KCNIP1: variants seen among roughly 807,000 people sequenced by gnomAD.
KCNIP1 encodes potassium voltage-gated channel interacting protein 1, also known as A-type potassium channel modulatory protein KCNIP1.
A neutral mutation model predicts 33.0 loss-of-function variants in KCNIP1; 18 were observed. The ratio of observed to expected loss-of-function variants is 0.55; its 90% CI spans 0.38 to 0.81. KCNIP1 has a LOEUF of 0.81. KCNIP1 is among the 30% of genes least tolerant of loss of function. The pLI, the probability that KCNIP1 is intolerant of heterozygous loss-of-function variation, is 0.00. For synonymous variants in KCNIP1, 93 were observed against 98.3 expected, an observed-to-expected ratio of 0.95 and a Z score of 0.32; for missense variants, 238 against 271.6, an observed-to-expected ratio of 0.88 and a Z score of 0.87.
chr5:170,416,937 T>C (rs1395810134), intron 1 of KCNIP1, among the ~76,000 whole-genome samples: 1 of 152,236 alleles, frequency 6.6e-6, no homozygotes, highest in African/African-American at 2.4e-5. Flanking sequence ...ATCCTCTTTT[T>C]AAAATTAATG....
At chr5:170,661,555 G>C (rs997820060) in intron 1 of KCNIP1, among the ~76,000 whole-genome samples, 2 of 152,020 alleles carry the variant, frequency 1.3e-5, no homozygotes, top group Non-Finnish European at 2.9e-5. Context: ...GGTTAGATGC[G>C]AGTTCTGCAC....
At chr5:170,389,160 C>T (rs1389375816) in intron 1 of KCNIP1, 1 of 152,298 alleles carries the variant, frequency 6.6e-6, no homozygotes, top group Non-Finnish European at 1.5e-5. Context: ...CTCCTGCCTG[C>T]CTCCCTCCCT....
chr5:170,547,476 C>T (rs905017126), intron 1 of KCNIP1, among the ~76,000 whole-genome samples: 1 of 152,138 alleles, frequency 6.6e-6, no homozygotes, highest in African/African-American at 2.4e-5. Context: ...ATTTCATCAT[C>T]CACATATTAA....
At chr5:170,378,363 A>C (rs1005759817) in intron 1 of KCNIP1, 1 of 224,528 alleles carries the variant, frequency 4.5e-6, no homozygotes, top group Non-Finnish European at 8.7e-6. Context: ...CAACAGGGAG[A>C]ACTCAGGCAC....
intron 1 of KCNIP1, among the ~76,000 whole-genome samples, chr5:170,548,994 G>A (rs1756510300): frequency 6.6e-6 from 1 of 152,188 alleles, no homozygotes; most frequent in South Asian, 2.1e-4. Context: ...GAGAAGCCAA[G>A]TAGTACACTA....
intron 5 of KCNIP1, among the ~76,000 whole-genome samples, chr5:170,731,469 G>A (rs1325000078): frequency 5.3e-5 from 8 of 152,166 alleles, no homozygotes; most frequent in Non-Finnish European, 1.2e-4. Context: ...TTGGGAGGCA[G>A]AGGCAGGAAG....
chr5:170,733,913 C>A lies in KCNIP1; in HGVS notation c.603+15C>A. Reference sequence around the variant, plus strand: ...CATGTCAGGAGGTAAGGAGAGATCTCAGGGCACAATAACTCTACATCTGGG... The same window carrying A: ...CATGTCAGGAGGTAAGGAGAGATCTAAGGGCACAATAACTCTACATCTGGG... On this transcript the variant is annotated intron_variant, in intron 7 of 7. Transcript: ENST00000328939. 1 of 1,608,150 alleles carries A rather than the reference C, an allele frequency of 6.2e-7. No homozygotes were observed. Among genetic ancestry groups the A allele is most frequent in the South Asian group, 1.1e-5 (1 of 90,818 alleles).
At chr5:170,710,596 A>C (rs1256963876) in intron 1 of KCNIP1, among the ~76,000 whole-genome samples, 2 of 152,242 alleles carry the variant, frequency 1.3e-5, no homozygotes, top group African/African-American at 4.8e-5. Context: ...GTAATAGAGC[A>C]AAGGCAGATA....
chr5:170,578,735 A>G (rs796192661), intron 1 of KCNIP1, among the ~76,000 whole-genome samples: 4 of 152,344 alleles, frequency 2.6e-5, no homozygotes, highest in African/African-American at 9.6e-5. Flanking sequence ...GATAAATGCT[A>G]TGGAAGAAAT....
intron 1 of KCNIP1, among the ~76,000 whole-genome samples, chr5:170,515,133 A>T (rs1755075349): frequency 6.6e-6 from 1 of 152,196 alleles, no homozygotes; most frequent in South Asian, 2.1e-4. Flanking sequence ...GCCACTTCCA[A>T]AGCCCTTGAT....
intron 1 of KCNIP1, among the ~76,000 whole-genome samples, chr5:170,621,409 C>T (rs1392442101): frequency 1.3e-5 from 2 of 152,156 alleles, no homozygotes; most frequent in African/African-American, 4.8e-5. Flanking sequence ...GGCATTCTCA[C>T]TTGTCCCCAC....
rs750208407 is a variant in KCNIP1 at position 170,504,670 on chromosome 5, C to A, written c.61+37C>A. 34 of 1,572,808 alleles carry A rather than the reference C, an allele frequency of 2.2e-5. No homozygotes were observed. The highest frequency in any genetic ancestry group is 2.9e-5 in the Non-Finnish European group (33 of 1,142,824). On this transcript the variant is annotated intron_variant, in intron 1 of 7. Transcript: ENST00000328939. This position sits in a 1 kb window ranked among gnomAD's most constrained non-coding sequence, Gnocchi z 6.0. ...TCTTCCTTTTGTTCCCCTGTCTGGG[C>A]TTGGGGGTGCTAGGCGCCGAGGTGG...
chr5:170,597,229 C>T (rs1183591910), intron 1 of KCNIP1, among the ~76,000 whole-genome samples: 1 of 152,194 alleles, frequency 6.6e-6, no homozygotes, highest in Admixed American at 6.5e-5. Context: ...AGGCCAGGAG[C>T]AGGACAGTGA....
chr5:170,684,474 T>C (rs1309578122), intron 1 of KCNIP1, among the ~76,000 whole-genome samples: 1 of 152,224 alleles, frequency 6.6e-6, no homozygotes, highest in East Asian at 1.9e-4. Flanking sequence ...TGGTAATGTA[T>C]TATGACAGTC....
intron 1 of KCNIP1, among the ~76,000 whole-genome samples, chr5:170,676,476 T>C (rs936347302): frequency 1.3e-5 from 2 of 152,222 alleles, no homozygotes; most frequent in Admixed American, 1.3e-4. Context: ...GAGATGGTGC[T>C]CTGAGGAGTT....
intron 1 of KCNIP1, among the ~76,000 whole-genome samples, chr5:170,655,268 G>A (rs558689711): frequency 2.0e-5 from 3 of 152,032 alleles, no homozygotes; most frequent in Non-Finnish European, 2.9e-5. Flanking sequence ...ATTAATATTC[G>A]GGGCCCTGTT....
intron 5 of KCNIP1, among the ~76,000 whole-genome samples, chr5:170,730,522 C>A (rs1335702331): frequency 1.3e-5 from 2 of 152,126 alleles, no homozygotes; most frequent in Non-Finnish European, 2.9e-5. Context: ...CAAAATTGCT[C>A]TTTCTGTGAT....
intron 5 of KCNIP1, among the ~76,000 whole-genome samples, chr5:170,727,518 C>CT (rs1388252779): frequency 3.9e-5 from 6 of 151,934 alleles, no homozygotes; most frequent in African/African-American, 1.5e-4. Flanking sequence ...AAGTGCCTAA[C>CT]CAATAGAAGA....
intron 1 of KCNIP1, among the ~76,000 whole-genome samples, chr5:170,476,788 A>G (rs1581227296): frequency 6.6e-6 from 1 of 152,310 alleles, no homozygotes; most frequent in Admixed American, 6.5e-5. Context: ...TCTCTACCAT[A>G]TATCAAAGAG....
Sources: gnomAD v4.1 joint callset for allele counts (sites outside exome capture counted in the v4.1 genomes callset) on GRCh38, gnomAD v4.1.1 for gene constraint, Gnocchi (gnomAD v3.1) non-coding constraint, MANE v1.5 for transcripts, NCBI Gene and HGNC (gene_info 2026-07-23, HGNC 2026-07-21) for gene names.